IL4R: variants seen among roughly 807,000 people sequenced by gnomAD.
IL4R encodes interleukin-4 receptor subunit alpha.
In IL4R, 17 loss-of-function variants were observed where a neutral mutation model predicts 41.5. The ratio of observed to expected loss-of-function variants is 0.41; its 90% CI spans 0.28 to 0.61. IL4R has a LOEUF of 0.61. Ranked by LOEUF, IL4R falls within the 20% of genes least tolerant of loss-of-function variation. The pLI is 0.31. For missense variants in IL4R, 974 were observed against 1,043.1 expected (o/e 0.93, Z 0.91); for synonymous variants, 402 against 422.9 (o/e 0.95, Z 0.61).
intron 1 of IL4R, among the ~76,000 whole-genome samples, chr16:27,319,233 T>A (rs1264920064): frequency 2.6e-5 from 4 of 152,086 alleles, no homozygotes; most frequent in African/African-American, 7.2e-5. Flanking sequence ...GGAGCAGAGG[T>A]CAGGGAGGGA....
At chr16:27,337,025 C>T (rs986421667) in intron 2 of IL4R, among the ~76,000 whole-genome samples, 11 of 151,884 alleles carry the variant, frequency 7.2e-5, no homozygotes, top group Admixed American at 1.3e-4. Context: ...TGCAGTGAGC[C>T]GAGATCGCGC....
At chr16:27,322,579 G>A (rs967369925) in intron 1 of IL4R, among the ~76,000 whole-genome samples, 3 of 152,182 alleles carry the variant, frequency 2.0e-5, no homozygotes, top group Admixed American at 1.3e-4. Flanking sequence ...GTGTGGTGGC[G>A]TGCACCTGTA....
At chr16:27,352,795 T>G (rs1001926558) in intron 7 of IL4R, 99 bp downstream of exon 7, 4 of 1,240,974 alleles carry the variant, frequency 3.2e-6, no homozygotes, top group Admixed American at 4.0e-5. Context: ...TTTTATATCA[T>G]AGGATGCCTC....
chr16:27,339,826 A>G (rs1287693930), intron 2 of IL4R, among the ~76,000 whole-genome samples: 1 of 151,804 alleles, frequency 6.6e-6, no homozygotes, highest in Non-Finnish European at 1.5e-5. Flanking sequence ...CGAGAAGACC[A>G]GAGGGGCAGA....
At chr16:27,325,027 T>C (rs1489070984) in intron 1 of IL4R, among the ~76,000 whole-genome samples, 1 of 152,032 alleles carries the variant, frequency 6.6e-6, no homozygotes, top group Non-Finnish European at 1.5e-5. Context: ...AGCCCGCTCC[T>C]CTCCTGCTTA....
At chr16:27,357,252 C>G (rs1359793970) in intron 8 of IL4R, among the ~76,000 whole-genome samples, 41 of 152,100 alleles carry the variant, frequency 2.7e-4, no homozygotes, top group Non-Finnish European at 7.3e-5. Context: ...GCATGCCAGC[C>G]TCTTTGCTGT....
chr16:27,342,058 G>C, intron 3 of IL4R, 63 bp from the exon 4 acceptor site: 1 of 1,579,210 alleles, frequency 6.3e-7, no homozygotes, highest in Non-Finnish European at 8.6e-7. Flanking sequence ...GTCCTGTTTG[G>C]GTGCAAGTCC....
chr16:27,358,086 G>T (rs1240926922), intron 8 of IL4R, among the ~76,000 whole-genome samples: 1 of 151,994 alleles, frequency 6.6e-6, no homozygotes, highest in African/African-American at 2.4e-5. Context: ...TAGAGACGGT[G>T]TTTCACCATA....
chr16:27,344,885 CCT>C lies in IL4R; in HGVS notation c.227_228del (p.Pro76ArgfsTer16). The C allele has an allele frequency of 6.2e-7, 1 of 1,614,180 alleles. No homozygotes were observed. Among genetic ancestry groups the C allele is most frequent in the African/African-American group, 1.3e-5 (1 of 75,054 alleles). The stretch of plus-strand genomic sequence containing the variant: ...TGTCTGCAGAGCCCACACGTGTATC[CCT>C]GAGAACAACGGAGGCGCGGGGTGCG... ...FLLSEAHTCI[P>X]ENNGGAGCVC... On this transcript the variant is annotated frameshift_variant, in exon 5 of 11. Coordinates refer to ENST00000395762, the MANE Select transcript of IL4R (RefSeq NM_000418.4). LOFTEE classifies it high-confidence loss of function.
At chr16:27,327,442 C>T (rs2084987079) in intron 1 of IL4R, among the ~76,000 whole-genome samples, 1 of 152,136 alleles carries the variant, frequency 6.6e-6, no homozygotes, top group Non-Finnish European at 1.5e-5. Context: ...AAAAGTGAGT[C>T]AAGTGTGTTC....
chr16:27,340,507 G>C (rs1030693884), intron 3 of IL4R, among the ~76,000 whole-genome samples: 11 of 152,144 alleles, frequency 7.2e-5, no homozygotes, highest in African/African-American at 2.7e-4. Flanking sequence ...AGGATCGCTT[G>C]AGCCCAGGAG....
chr16:27,359,140 C>A, intron 9 of IL4R, 146 bp downstream of exon 9: 1 of 651,838 alleles, frequency 1.5e-6, no homozygotes, highest in South Asian at 1.7e-5. Context: ...GAGACAGAAG[C>A]CGAATGAGGT....
At chr16:27,322,516 G>C (rs1402043306) in intron 1 of IL4R, among the ~76,000 whole-genome samples, 3 of 152,092 alleles carry the variant, frequency 2.0e-5, no homozygotes, top group Admixed American at 1.3e-4. Flanking sequence ...CCAACTTCCA[G>C]CCTGGGCAGC....
chr16:27,327,250 C>T (rs762820284), intron 1 of IL4R, among the ~76,000 whole-genome samples: 3 of 152,102 alleles, frequency 2.0e-5, no homozygotes, highest in African/African-American at 4.8e-5. Flanking sequence ...GCCAGGTTTC[C>T]TGCCCAGAGG....
rs1403175217 is a variant in IL4R at position 27,346,572 on chromosome 16, A to T, written c.467A>T (p.His156Leu). Residue 156 changes from histidine to leucine, a missense_variant, in exon 6 of 11, where the codon CAT (histidine) becomes CTT (leucine). Around this residue, in one of 3 missense-constraint regions of IL4R, gnomAD observed 284 missense variants for 313.4 expected, o/e 0.91. Transcript: ENST00000395762. ...PYPPDNYLYN[H>L]LTYAVNIWSE... Reference sequence around the variant, plus strand: ...CCCCCTGACAATTACCTGTATAATCATCTCACCTATGCAGTCAACATTTGG... The same window carrying T: ...CCCCCTGACAATTACCTGTATAATCTTCTCACCTATGCAGTCAACATTTGG... 1.2e-6 allele frequency: 2 copies of T among 1,614,068 alleles called. No individual in the cohort carries two copies. The highest frequency in any genetic ancestry group is 2.7e-5 in the African/African-American group (2 of 74,934).
At chr16:27,338,039 C>T (rs2085313413) in intron 2 of IL4R, among the ~76,000 whole-genome samples, 1 of 150,900 alleles carries the variant, frequency 6.6e-6, no homozygotes, top group Non-Finnish European at 1.5e-5. Context: ...TCGCTGCAAC[C>T]TCCGCCTCCT....
At chr16:27,362,114 A>G (rs2086314487) in intron 10 of IL4R, 138 bp from the exon 11 acceptor site, 8 of 832,080 alleles carry the variant, frequency 9.6e-6, no homozygotes, top group South Asian at 4.9e-5. Flanking sequence ...AGACTGATCA[A>G]TTACTGATTA....
At chr16:27,328,377 G>A (rs959711392) in intron 1 of IL4R, among the ~76,000 whole-genome samples, 1 of 151,566 alleles carries the variant, frequency 6.6e-6, no homozygotes, top group Admixed American at 6.6e-5. Flanking sequence ...TCAGCCTCCC[G>A]AGTAGCTGGG....
chr16:27,353,134 C>A (rs546306003), intron 7 of IL4R, among the ~76,000 whole-genome samples: 113 of 152,266 alleles, frequency 7.4e-4, no homozygotes, highest in African/African-American at 2.6e-3. Flanking sequence ...CATAAAATCC[C>A]AGCCTGGGCA....
Sources: allele counts gnomAD v4.1 joint callset (sites outside exome capture counted in the v4.1 genomes callset), GRCh38; gene constraint gnomAD v4.1.1; regional missense constraint gnomAD v4.1.1; transcripts MANE v1.5; gene names NCBI Gene and HGNC (gene_info 2026-07-23, HGNC 2026-07-21).